Variants in RIMBP2 observed in about 807,000 individuals in gnomAD.
The protein encoded by RIMBP2 is RIMS-binding protein 2.
In RIMBP2, 48 loss-of-function variants were observed where a neutral mutation model predicts 118.6. That is an observed-to-expected ratio of 0.40 (90% CI 0.32 to 0.51). The LOEUF is 0.51. RIMBP2 is among the 20% of genes least tolerant of loss of function. RIMBP2 has a pLI of 0.41. For missense variants in RIMBP2, 1,551 were observed against 1,768.3 expected (o/e 0.88, Z 2.20); for synonymous variants, 762 against 742.9 (o/e 1.03, Z -0.42).
intron 13 of RIMBP2, 100 bp downstream of exon 13, chr12:130,436,742 T>TG (rs1297026781): frequency 9.9e-7 from 1 of 1,005,358 alleles, no homozygotes; most frequent in African/African-American, 1.7e-5. Context: ...CCCTGCAAGC[T>TG]GGGATGCGGG....
chr12:130,635,646 CTG>C (rs1298506592), intron 1 of RIMBP2, among the ~76,000 whole-genome samples: 6 of 152,160 alleles, frequency 3.9e-5, no homozygotes, highest in Non-Finnish European at 7.4e-5. Flanking sequence ...CCCCAAGACA[CTG>C]GCAATTTCTG....
At position 130,450,292 on chromosome 12, in the gene RIMBP2, T is replaced by C. The variant is rs767236695; in HGVS notation, c.505-16A>G. 1.3e-6 allele frequency: 2 copies of C among 1,585,942 alleles called. No individual in the cohort carries two copies. Among genetic ancestry groups the C allele is most frequent in the African/African-American group, 2.7e-5 (2 of 74,196 alleles). ...CATTCTCCATCTGTGAAAAAGGCAATGGGTGTGTGGGTTATTGAAGCTGGA... is the reference window on the plus strand; with the variant it reads ...CATTCTCCATCTGTGAAAAAGGCAACGGGTGTGTGGGTTATTGAAGCTGGA... On this transcript the variant is annotated splice_polypyrimidine_tract_variant and intron_variant, in intron 8 of 22. Transcript: ENST00000690449. The surrounding 1 kb of genome is among the most constrained non-coding windows in gnomAD (Gnocchi z 4.8).
intron 19 of RIMBP2, among the ~76,000 whole-genome samples, chr12:130,411,837 G>A (rs917669336): frequency 2.4e-5 from 3 of 122,726 alleles, no homozygotes; most frequent in Admixed American, 1.5e-4. Flanking sequence ...AGGTTGAAAT[G>A]TTTTGATTTT....
At position 130,409,987 on chromosome 12, in the gene RIMBP2, G is replaced by A. The variant is rs554707469; in HGVS notation, c.3590-2158C>T. ...AAACCAGCGAACTGTTTTGCAGAGCGGTGATGCCATTTTCCACTTTCACCA... is the reference window on the plus strand; with the variant it reads ...AAACCAGCGAACTGTTTTGCAGAGCAGTGATGCCATTTTCCACTTTCACCA... On this transcript the variant is annotated intron_variant, in intron 19 of 22. Coordinates refer to ENST00000690449, the MANE Select transcript of RIMBP2 (RefSeq NM_001393629.1). Among the ~76,000 whole-genome samples the A allele has an allele frequency of 4.3e-4, 66 of 152,324 alleles. 1 individual carries two copies. The highest frequency in any genetic ancestry group is 1.4e-3 in the African/African-American group (59 of 41,576).
chr12:130,659,468 C>T (rs1306646594), intron 1 of RIMBP2, among the ~76,000 whole-genome samples: 2 of 150,830 alleles, frequency 1.3e-5, no homozygotes, highest in African/African-American at 4.9e-5. Context: ...TACTCGGAGG[C>T]TGAGGCAGGA....
At chr12:130,430,777 C>T (rs2077102444) in intron 14 of RIMBP2, 1 of 151,998 alleles carries the variant, frequency 6.6e-6, no homozygotes, top group African/African-American at 2.4e-5. Flanking sequence ...ATTACAGGCA[C>T]CTGCCACCAC....
intron 1 of RIMBP2, among the ~76,000 whole-genome samples, chr12:130,660,981 G>A (rs1228616938): frequency 6.6e-6 from 1 of 152,236 alleles, no homozygotes; most frequent in Non-Finnish European, 1.5e-5. Flanking sequence ...CACTTTGGGA[G>A]GCCAAGGCAG....
At chr12:130,585,504 C>CGGGAGGCTGAGGT (rs2058824836) in intron 2 of RIMBP2, among the ~76,000 whole-genome samples, 1 of 150,904 alleles carries the variant, frequency 6.6e-6, no homozygotes, top group Non-Finnish European at 1.5e-5. Context: ...CCCAGCTACT[C>CGGGAGGCTGAGGT]GGGAGGCTGA....
chr12:130,587,106 A>G (rs2058939688), intron 2 of RIMBP2, among the ~76,000 whole-genome samples: 1 of 148,264 alleles, frequency 6.7e-6, no homozygotes, highest in Non-Finnish European at 1.5e-5. Flanking sequence ...CATCAGAGAA[A>G]TGCAAATCAA....
intron 1 of RIMBP2, chr12:130,668,372 G>T (rs1416365505): frequency 6.6e-6 from 1 of 152,274 alleles, no homozygotes; most frequent in Non-Finnish European, 1.5e-5. Flanking sequence ...GTGGCTGAGA[G>T]ATATGGACCT....
intron 7 of RIMBP2, among the ~76,000 whole-genome samples, chr12:130,453,989 G>A (rs1298828343): frequency 6.6e-6 from 1 of 151,650 alleles, no homozygotes; most frequent in Non-Finnish European, 1.5e-5. Flanking sequence ...GGGAGGCGGG[G>A]CTTGTACTGA....
intron 2 of RIMBP2, among the ~76,000 whole-genome samples, chr12:130,538,122 G>T (rs1345357314): frequency 6.6e-6 from 1 of 152,114 alleles, no homozygotes; most frequent in African/African-American, 2.4e-5. Context: ...ATCCAAGATG[G>T]CAGCTCGTGA....
chr12:130,453,792 A>G (rs1231494254), intron 7 of RIMBP2, among the ~76,000 whole-genome samples: 1 of 152,184 alleles, frequency 6.6e-6, no homozygotes, highest in Non-Finnish European at 1.5e-5. Context: ...GGTGGCTCAC[A>G]CCTGTAATCC....
chr12:130,642,100 T>C (rs1378693532), intron 1 of RIMBP2, among the ~76,000 whole-genome samples: 1 of 152,050 alleles, frequency 6.6e-6, no homozygotes. Flanking sequence ...TACCCCCAGC[T>C]TCCTGCCACT....
intron 9 of RIMBP2, among the ~76,000 whole-genome samples, chr12:130,449,953 G>C (rs1230019177): frequency 6.6e-6 from 1 of 152,110 alleles, no homozygotes; most frequent in Non-Finnish European, 1.5e-5. Context: ...CCAGGGTTGG[G>C]AGAGGAGAAA....
intron 1 of RIMBP2, among the ~76,000 whole-genome samples, chr12:130,714,832 A>T (rs997007108): frequency 3.3e-5 from 5 of 152,174 alleles, no homozygotes; most frequent in Admixed American, 6.5e-5. Flanking sequence ...AAGACCCCAC[A>T]GCCCAGCGGG....
rs928716338 is a variant in RIMBP2 at position 130,688,579 on chromosome 12, G to C, written c.-352+27643C>G. On this transcript the variant is annotated intron_variant, in intron 1 of 22. Transcript: ENST00000690449. This position sits in a 1 kb window ranked among gnomAD's most constrained non-coding sequence, Gnocchi z 4.7. ...CGTTACCCCCTGTCAGTTACCCCGG[G>C]TGACCCTTAGGACTCTGAGCACAGC... Among the ~76,000 whole-genome samples, 3 of 151,514 alleles carry C rather than the reference G, an allele frequency of 2.0e-5. No individual in the cohort carries two copies. Among genetic ancestry groups the C allele is most frequent in the Non-Finnish European group, 4.4e-5 (3 of 67,998 alleles).
At position 130,442,608 on chromosome 12, in the gene RIMBP2, A is replaced by T; in HGVS notation, c.744T>A (p.Phe248Leu). 6.2e-7 allele frequency: 1 copy of T among 1,614,202 alleles called. No individual in the cohort carries two copies. Among genetic ancestry groups the T allele is most frequent in the Non-Finnish European group, 8.5e-7 (1 of 1,180,034 alleles). ...CCAACCGCGACTCGTTGTCCTGCAC[A>T]AAGTCCACGAAGTTGGAGGGCACCA... ...RGLVPSNFVD[F>L]VQDNESRLAS... The change falls in exon 11 of 23, where the codon TTT becomes TTA. Residue 248 changes from phenylalanine (F) to leucine (L), a missense_variant. Physicochemically the swap from Phe to Leu is conservative, Grantham distance 22 (BLOSUM62 0). Around this residue, in one of 5 missense-constraint regions of RIMBP2, gnomAD observed 265 missense variants for 349.5 expected, o/e 0.76. Coordinates refer to ENST00000690449, the MANE Select transcript of RIMBP2 (RefSeq NM_001393629.1). The surrounding 1 kb of genome is among the most constrained non-coding windows in gnomAD (Gnocchi z 6.9).
rs73460633 is a variant in RIMBP2, at chr12:130,630,930, G to C, written c.-351-2474C>G. 3.8e-3 allele frequency among the ~76,000 whole-genome samples: 573 copies of C among 152,094 alleles called. 1 individual carries two copies. Among genetic ancestry groups the C allele is most frequent in the African/African-American group, 0.013 (530 of 41,478 alleles). ...GTTCTTTCTTAGGAAATGACTGGAA[G>C]CTGTGCTGCAGCAAAACAAGTGGGG... On this transcript the variant is annotated intron_variant, in intron 1 of 22. Transcript: ENST00000690449.
Sources: gnomAD v4.1 joint callset for allele counts (sites outside exome capture counted in the v4.1 genomes callset) on GRCh38, gnomAD v4.1.1 for gene constraint, gnomAD v4.1.1 regional missense constraint, Gnocchi (gnomAD v3.1) non-coding constraint, MANE v1.5 for transcripts, NCBI Gene and HGNC (gene_info 2026-07-23, HGNC 2026-07-21) for gene names.